Variants in CAPN5 observed in about 807,000 individuals in gnomAD.
CAPN5 encodes calpain 5.
Under a neutral mutation model 73.0 loss-of-function variants are expected in CAPN5, and 54 were observed. The observed-to-expected ratio is 0.74, with a 90% CI of 0.59 to 0.93. The LOEUF (loss-of-function observed/expected upper bound fraction) is 0.93, where lower values mean the gene tolerates loss of function less well. Ranked by LOEUF, CAPN5 falls within the 40% of genes least tolerant of loss-of-function variation. CAPN5 has a pLI of 0.00. For missense variants in CAPN5, 785 were observed against 882.9 expected (o/e 0.89, Z 1.41); for synonymous variants, 335 against 356.9 (o/e 0.94, Z 0.69).
rs782001481 is a variant in CAPN5 at position 77,119,095 on chromosome 11, G to T, written c.1233G>T (p.Arg411=). Residue 411 remains arginine (R), a synonymous_variant, in exon 9 of 13, where the codon CGG becomes CGT. Transcript: ENST00000648180. ...VLICIQQRPK[R]STRREGKGEN... ...TCTGCATCCAGCAGCGGCCAAAGCG[G>T]TCTACGCGCCGGGAGGGCAAGGGTG... The T allele has an allele frequency of 2.5e-6, 4 of 1,614,076 alleles. No individual in the cohort carries two copies. Among genetic ancestry groups the T allele is most frequent in the Non-Finnish European group, 3.4e-6 (4 of 1,180,006 alleles).
intron 1 of CAPN5, among the ~76,000 whole-genome samples, chr11:77,075,576 G>T (rs1294186006): frequency 2.6e-5 from 4 of 152,180 alleles, no homozygotes; most frequent in Non-Finnish European, 5.9e-5. Flanking sequence ...GGTATGTGGT[G>T]TCCAGCTGGA....
Position 77,122,589 on chromosome 11 carries a change from T to C in CAPN5, c.1617T>C (p.Tyr539=), listed in dbSNP as rs782337445. 6.7e-7 allele frequency: 1 copy of C among 1,486,240 alleles called. No homozygotes were observed. Among genetic ancestry groups the C allele is most frequent in the Non-Finnish European group, 9.1e-7 (1 of 1,095,822 alleles). The allele number at this position is 1,486,240 out of a possible 1,614,324, so 92.1% of individuals were successfully genotyped here. ...CCCTCTCCCTAGGGGCTAACTCTTA[T>C]GTGATCATCAAGTGTGAGGGAGACA... is the stretch of plus-strand genomic sequence containing the variant. ...LKDSPTGANS[Y]VIIKCEGDKV... Residue 539 remains tyrosine (Y), a synonymous_variant, in exon 12 of 13, where the codon TAT becomes TAC. Coordinates refer to ENST00000648180, the MANE Select transcript of CAPN5 (RefSeq NM_004055.5).
chr11:77,103,987 G>C (rs540782228), intron 3 of CAPN5, among the ~76,000 whole-genome samples: 1 of 152,340 alleles, frequency 6.6e-6, no homozygotes, highest in South Asian at 2.1e-4. Context: ...AGTGAAGGGG[G>C]AGGTTACACA....
chr11:77,108,091 G>A (rs567172501), intron 3 of CAPN5, among the ~76,000 whole-genome samples: 17 of 152,354 alleles, frequency 1.1e-4, no homozygotes, highest in African/African-American at 3.6e-4. Context: ...TGGGTAATGT[G>A]GTATTAAGTA....
intron 3 of CAPN5, among the ~76,000 whole-genome samples, chr11:77,096,072 T>C (rs1416262935): frequency 6.6e-6 from 1 of 152,164 alleles, no homozygotes; most frequent in Non-Finnish European, 1.5e-5. Context: ...GACTGGGCTC[T>C]GTTTGTTGTC....
chr11:77,093,607 CTG>C, intron 2 of CAPN5, 73 bp from the exon 3 acceptor site: 1 of 1,438,100 alleles, frequency 7.0e-7, no homozygotes, highest in Non-Finnish European at 9.3e-7. Context: ...ACGTCTGTGT[CTG>C]TCATGTCTCC....
chr11:77,117,317 G>A (rs1189828281), intron 7 of CAPN5, among the ~76,000 whole-genome samples: 1 of 152,202 alleles, frequency 6.6e-6, no homozygotes, highest in Non-Finnish European at 1.5e-5. Flanking sequence ...ATGTGGGCTA[G>A]GCTCAGTGTC....
intron 8 of CAPN5, 93 bp downstream of exon 8, chr11:77,118,445 A>C (rs1321368097): frequency 9.1e-7 from 1 of 1,101,546 alleles, no homozygotes; most frequent in African/African-American, 1.6e-5. Context: ...ACCTTGGGTA[A>C]TCCCTGTCCT....
chr11:77,121,571 C>G (rs576904326), intron 10 of CAPN5, among the ~76,000 whole-genome samples: 1 of 152,400 alleles, frequency 6.6e-6, no homozygotes, highest in South Asian at 2.1e-4. Context: ...TGGGCAAGCC[C>G]TTCACCTGGG....
In CAPN5 at chr11:77,114,304, C is replaced by G. The variant is rs782771056; in HGVS notation, c.569C>G (p.Thr190Arg). The change falls in exon 5 of 13, where the codon ACG becomes AGG. Residue 190 changes from threonine to arginine, a missense_variant. By Grantham distance (71) the Thr-to-Arg change is moderately conservative (BLOSUM62 -1). Transcript: ENST00000648180. ...ACAGCAGACGCACTGGTGGACTTCACGGGTGGTGTTTCTGAGCCCATCGAC... is the reference window on the plus strand; with the variant it reads ...ACAGCAGACGCACTGGTGGACTTCAGGGGTGGTGTTTCTGAGCCCATCGAC... ...GNTADALVDF[T>R]GGVSEPIDLT... 6.2e-7 allele frequency: 1 copy of G among 1,614,168 alleles called. No homozygotes were observed. Among genetic ancestry groups the G allele is most frequent in the South Asian group, 1.1e-5 (1 of 91,076 alleles).
At chr11:77,084,140 G>A (rs1950057000) in intron 1 of CAPN5, among the ~76,000 whole-genome samples, 1 of 152,222 alleles carries the variant, frequency 6.6e-6, no homozygotes, top group Non-Finnish European at 1.5e-5. Context: ...GCCCTGCCCT[G>A]CCCTCCACTC....
In CAPN5 at chr11:77,115,582, G is replaced by T. The variant is rs1555041605; in HGVS notation, c.887G>T (p.Ser296Ile). 2 of 1,608,412 alleles carry T rather than the reference G, an allele frequency of 1.2e-6. No individual in the cohort carries two copies. Among genetic ancestry groups the T allele is most frequent in the Non-Finnish European group, 1.7e-6 (2 of 1,176,882 alleles). ...WGEREWNGPW[S>I]DTSEEWQKVS... is the part of the protein sequence containing the mutation. The stretch of plus-strand genomic sequence containing the variant: ...GAGCGGGAGTGGAACGGGCCCTGGA[G>T]TGACACGTGAGGCCTGGGGATGGGG... Residue 296 changes from serine (S) to isoleucine (I), a missense_variant, in exon 6 of 13, where the codon AGT becomes ATT. Ser to Ile is a moderately radical substitution (Grantham distance 142). Transcript: ENST00000648180.
At position 77,119,063 on chromosome 11, in the gene CAPN5, G is replaced by A. The variant is rs1481558406; in HGVS notation, c.1201G>A (p.Val401Ile). ...CGAAGTCAAGAAGCCAGAAGATGAA[G>A]TCCTGATCTGCATCCAGCAGCGGCC... ...IFEVKKPEDE[V>I]LICIQQRPKR... The change falls in exon 9 of 13, where the codon GTC becomes ATC. Residue 401 changes from valine (V) to isoleucine (I), a missense_variant. Physicochemically the swap from Val to Ile is conservative, Grantham distance 29. Coordinates refer to ENST00000648180, the MANE Select transcript of CAPN5 (RefSeq NM_004055.5). The A allele has an allele frequency of 1.9e-6, 3 of 1,613,964 alleles. No individual in the cohort carries two copies. Among genetic ancestry groups the A allele is most frequent in the African/African-American group, 2.7e-5 (2 of 74,962 alleles).
chr11:77,102,848 G>T, intron 3 of CAPN5: 1 of 1,592,110 alleles, frequency 6.3e-7, no homozygotes. Flanking sequence ...CCATGGCGGA[G>T]GACAGGCCGC....
At chr11:77,114,111 C>T (rs188186269) in intron 4 of CAPN5, 131 bp from the exon 5 acceptor site, 30 of 746,036 alleles carry the variant, frequency 4.0e-5, no homozygotes, top group African/African-American at 1.0e-4. Flanking sequence ...GTGTTGGCTC[C>T]GCCGTGGCCT....
At chr11:77,073,163 C>T (rs1555033390) in intron 1 of CAPN5, 2 of 1,238,480 alleles carry the variant, frequency 1.6e-6, no homozygotes, top group Non-Finnish European at 2.1e-6. Context: ...CACTGGGTTG[C>T]CTGGGACTGT....
In CAPN5 at chr11:77,116,131, A is replaced by T. The variant is rs537946796; in HGVS notation, c.894-95A>T. On this transcript the variant is annotated intron_variant, in intron 6 of 12. Transcript: ENST00000648180. ...CGTGCCGCTGGAGGCCTGGTGCAAG[A>T]CTGCCCCTCGTGCCTCCTCGCCTTT... The T allele has an allele frequency of 2.3e-4, 264 of 1,138,768 alleles. 1 individual carries two copies. In the African/African-American group the frequency reaches 3.5e-3, roughly 15 times the overall value. 70.5% of individuals were successfully genotyped at this position (1,138,768 alleles called of 1,614,324 possible). A position where few individuals can be genotyped will look rare whatever the true frequency, so the allele number is the denominator to read the frequency against.
Position 77,118,388 on chromosome 11 carries a change from G to A in CAPN5, c.1167+36G>A, listed in dbSNP as rs77320649. 1,494 of 1,515,588 alleles carry A rather than the reference G, an allele frequency of 9.9e-4. 15 individuals carry two copies. The African/African-American group carries it at 0.018, about 18-fold the overall frequency. 93.9% of individuals were successfully genotyped at this position (1,515,588 alleles called of 1,614,324 possible). A position where few individuals can be genotyped will look rare whatever the true frequency, so the allele number is the denominator to read the frequency against. On this transcript the variant is annotated intron_variant, in intron 8 of 12. Transcript: ENST00000648180. The stretch of plus-strand genomic sequence containing the variant: ...TCAGGAACCCCCACCCTGCCCTGTA[G>A]CAGCTGCGGGGTGCCTTGCCACTGT...
At chr11:77,123,380 A>C (rs1053974464) in intron 12 of CAPN5, among the ~76,000 whole-genome samples, 3 of 152,158 alleles carry the variant, frequency 2.0e-5, no homozygotes, top group Middle Eastern at 3.2e-3. Context: ...CTCAACCTTC[A>C]TATTAAAGAT....
Sources: allele counts gnomAD v4.1 joint callset (sites outside exome capture counted in the v4.1 genomes callset), GRCh38; gene constraint gnomAD v4.1.1; transcripts MANE v1.5; gene names NCBI Gene and HGNC (gene_info 2026-07-23, HGNC 2026-07-21).